CSMD1: variants seen among roughly 807,000 people sequenced by gnomAD.
The protein encoded by CSMD1 is CUB and sushi domain-containing protein 1.
In CSMD1, 213 loss-of-function variants were observed where a neutral mutation model predicts 417.5. That is an observed-to-expected ratio of 0.51 (90% CI 0.46 to 0.57). The LOEUF (loss-of-function observed/expected upper bound fraction) is 0.57, where lower values mean the gene tolerates loss of function less well. CSMD1 is among the 20% of genes least tolerant of loss of function. The pLI is 0.00. For missense variants in CSMD1, 6,923 were observed against 4,529.7 expected (o/e 1.53, Z -15.17); for synonymous variants, 2,862 against 1,736.8 (o/e 1.65, Z -16.11).
chr8:4,134,422 G>C (rs886103656), intron 3 of CSMD1, among the ~76,000 whole-genome samples: 8 of 152,132 alleles, frequency 5.3e-5, no homozygotes, highest in African/African-American at 1.7e-4. Flanking sequence ...AAGACAGAGG[G>C]AGAAGACAGG....
intron 5 of CSMD1, among the ~76,000 whole-genome samples, chr8:3,828,337 C>A (rs149199115): frequency 0.011 from 1,612 of 152,200 alleles, 30 homozygotes; most frequent in African/African-American, 0.037. Context: ...TATAATGAAT[C>A]TATAATTAAG....
At chr8:4,673,366 G>C (rs184882181) in intron 1 of CSMD1, among the ~76,000 whole-genome samples, 26 of 152,256 alleles carry the variant, frequency 1.7e-4, no homozygotes, top group African/African-American at 1.2e-4. Flanking sequence ...AAAGGGTTTA[G>C]CATGCTGTCT....
intron 12 of CSMD1, among the ~76,000 whole-genome samples, chr8:3,419,279 C>A (rs1366880724): frequency 6.6e-6 from 1 of 152,182 alleles, no homozygotes; most frequent in Non-Finnish European, 1.5e-5. Flanking sequence ...CTGGTTGATT[C>A]TTGAGTTCAG....
intron 23 of CSMD1, among the ~76,000 whole-genome samples, chr8:3,334,097 C>G (rs1303502391): frequency 6.6e-6 from 1 of 152,168 alleles, no homozygotes; most frequent in Admixed American, 6.5e-5. Flanking sequence ...ATGAGACGCA[C>G]ACAGAGTGTC....
Position 3,284,702 on chromosome 8 carries a change from T to C in CSMD1, c.3951-356A>G, listed in dbSNP as rs1208043808. The C allele has an allele frequency of 1.2e-5, 3 of 253,734 alleles. No homozygotes were observed. The Admixed American group carries it at 1.5e-4, about 13-fold the overall frequency. 15.7% of individuals were successfully genotyped at this position (253,734 alleles called of 1,614,324 possible). A position where few individuals can be genotyped will look rare whatever the true frequency, so the allele number is the denominator to read the frequency against. ...CAAATATAAGCTTGGCATTGACAGA[T>C]GTGTTTGAAGCAGATGGAAGGCAGC... On this transcript the variant is annotated intron_variant, in intron 25 of 69. Coordinates refer to ENST00000635120, the MANE Select transcript of CSMD1 (RefSeq NM_033225.6).
At chr8:4,438,766 G>T (rs780122034) in intron 2 of CSMD1, among the ~76,000 whole-genome samples, 3 of 152,186 alleles carry the variant, frequency 2.0e-5, no homozygotes, top group Non-Finnish European at 4.4e-5. Flanking sequence ...CAAACCATGT[G>T]CCCTGAATCA....
intron 3 of CSMD1, among the ~76,000 whole-genome samples, chr8:4,153,611 T>C (rs1490831582): frequency 6.6e-6 from 1 of 152,218 alleles, no homozygotes; most frequent in Admixed American, 6.5e-5. Flanking sequence ...ATGTCCCTGC[T>C]CTGTTTCCTC....
intron 4 of CSMD1, among the ~76,000 whole-genome samples, chr8:4,031,635 T>C (rs1797351536): frequency 6.8e-6 from 1 of 146,058 alleles, no homozygotes; most frequent in South Asian, 2.1e-4. Context: ...GCATGACTTT[T>C]CTCGTATAAC....
At chr8:3,886,048 C>A (rs1455433867) in intron 5 of CSMD1, among the ~76,000 whole-genome samples, 2 of 151,474 alleles carry the variant, frequency 1.3e-5, no homozygotes, top group Non-Finnish European at 2.9e-5. Flanking sequence ...TATATACAGA[C>A]ACATTTATTA....
At chr8:4,043,808 C>A (rs1274283335) in intron 3 of CSMD1, among the ~76,000 whole-genome samples, 1 of 152,138 alleles carries the variant, frequency 6.6e-6, no homozygotes, top group Non-Finnish European at 1.5e-5. Context: ...AAACCTTACA[C>A]GTCTCCAAAT....
At chr8:4,607,775 G>A (rs540144281) in intron 2 of CSMD1, among the ~76,000 whole-genome samples, 2 of 152,284 alleles carry the variant, frequency 1.3e-5, no homozygotes, top group East Asian at 1.9e-4. Flanking sequence ...TCTCTCTTGA[G>A]TAAATCCTCA....
chr8:3,387,038 T>C (rs893929515), intron 18 of CSMD1, among the ~76,000 whole-genome samples: 2 of 152,198 alleles, frequency 1.3e-5, no homozygotes. Flanking sequence ...TGACAGCTTC[T>C]GAGCTCAGAA....
intron 49 of CSMD1, among the ~76,000 whole-genome samples, chr8:3,070,520 G>T (rs1371442582): frequency 8.5e-5 from 13 of 152,152 alleles, no homozygotes. Flanking sequence ...GAAGTTCAAA[G>T]TTCCACAGAT....
chr8:4,880,994 G>A (rs777221460), intron 1 of CSMD1, among the ~76,000 whole-genome samples: 1 of 151,974 alleles, frequency 6.6e-6, no homozygotes, highest in South Asian at 2.1e-4. Flanking sequence ...CAGTAATGAG[G>A]CCTTTCCTTT....
chr8:4,317,728 G>A (rs1420916360), intron 3 of CSMD1, among the ~76,000 whole-genome samples: 1 of 152,146 alleles, frequency 6.6e-6, no homozygotes, highest in African/African-American at 2.4e-5. Flanking sequence ...TAGCTCAGCT[G>A]AGTACATGTC....
chr8:3,650,673 C>T (rs1256921423), intron 7 of CSMD1, among the ~76,000 whole-genome samples: 2 of 152,136 alleles, frequency 1.3e-5, no homozygotes, highest in East Asian at 1.9e-4. Context: ...GAGAACTGTT[C>T]GAAGTGGTAA....
intron 1 of CSMD1, among the ~76,000 whole-genome samples, chr8:4,939,919 A>C (rs748697757): frequency 2.0e-5 from 3 of 152,228 alleles, no homozygotes; most frequent in Non-Finnish European, 2.9e-5. Context: ...ATATATATAC[A>C]ATTTTGATTT....
chr8:4,665,528 G>C lies in CSMD1; in HGVS notation c.86-27970C>G, dbSNP rs565670092. 9.8e-5 allele frequency among the ~76,000 whole-genome samples: 15 copies of C among 152,290 alleles called. 1 individual carries two copies. The highest frequency in any genetic ancestry group is 4.1e-4 in the South Asian group (2 of 4,824). On this transcript the variant is annotated intron_variant, in intron 1 of 69. Transcript: ENST00000635120. ...CCTCTGTGGTCAGCCCTCTCCCCCA[G>C]AGGGTGGCAGCTGGTTATCAGTGAT... is the stretch of plus-strand genomic sequence containing the variant.
At chr8:4,547,014 T>C (rs1797668960) in intron 2 of CSMD1, among the ~76,000 whole-genome samples, 2 of 152,152 alleles carry the variant, frequency 1.3e-5, no homozygotes, top group African/African-American at 2.4e-5. Context: ...CTATAATTCA[T>C]ACCCAGACAT....
Sources: allele counts gnomAD v4.1 joint callset (sites outside exome capture counted in the v4.1 genomes callset), GRCh38; gene constraint gnomAD v4.1.1; transcripts MANE v1.5; gene names NCBI Gene and HGNC (gene_info 2026-07-23, HGNC 2026-07-21).